SLITRK3: variants seen among roughly 807,000 people sequenced by gnomAD.
SLITRK3 encodes SLIT and NTRK like family member 3.
SLITRK3 carries 16 observed loss-of-function variants against 63.6 expected under a neutral mutation model. That is an observed-to-expected ratio of 0.25 (90% confidence interval 0.17 to 0.38). The LOEUF is 0.38. SLITRK3 is among the 10% of genes least tolerant of loss of function. The pLI is 1.00. For missense variants in SLITRK3, 1,117 were observed against 1,181.4 expected (o/e 0.95, Z 0.80); for synonymous variants, 547 against 451.6 (o/e 1.21, Z -2.68).
At chr3:165,195,181 C>T (rs1718373918) in intron 1 of SLITRK3, among the ~76,000 whole-genome samples, 1 of 152,160 alleles carries the variant, frequency 6.6e-6, no homozygotes, top group Non-Finnish European at 1.5e-5. Context: ...TCTATAGAGC[C>T]TTTTCTAATC....
chr3:165,189,306 G>C lies in SLITRK3; in HGVS notation c.1525C>G (p.Leu509Val). Residue 509 changes from leucine to valine, a missense_variant, in exon 2 of 2, where the codon CTA becomes GTA. Transcript: ENST00000475390. This position sits in a 1 kb window ranked among gnomAD's most constrained non-coding sequence, Gnocchi z 4.0. ...CTCAGTAAGTTATTATTGAGGAATA[G>C]CAGCTTCAAGTTGGGCATGAGGCTG... ...AFSLMPNLKL[L>V]FLNNNLLRTL... 1 of 1,614,204 alleles carries C rather than the reference G, an allele frequency of 6.2e-7. No homozygotes were observed. Among genetic ancestry groups the C allele is most frequent in the Non-Finnish European group, 8.5e-7 (1 of 1,180,038 alleles).
In SLITRK3 at chr3:165,188,030, G is replaced by A. The variant is rs1718022617; in HGVS notation, c.2801C>T (p.Thr934Ile). The A allele has an allele frequency of 6.2e-7, 1 of 1,613,924 alleles. No homozygotes were observed. The highest frequency in any genetic ancestry group is 8.5e-7 in the Non-Finnish European group (1 of 1,179,992). The change falls in exon 2 of 2, where the codon ACC (threonine) becomes ATC (isoleucine). Residue 934 changes from threonine (T) to isoleucine (I), a missense_variant. By Grantham distance (89) the Thr-to-Ile change is moderately conservative. Transcript: ENST00000475390. ...DLQQDARLKETLLFSAGKGFT... is the reference protein window; with the variant it reads ...DLQQDARLKEILLFSAGKGFT... ...GCCCTTTCCAGCCGAGAAGAGAAGG[G>A]TTTCTTTGAGCCTGGCATCCTGCTG...
Position 165,189,082 on chromosome 3 carries a change from G to A in SLITRK3, c.1749C>T (p.Val583=), listed in dbSNP as rs762493878. The A allele has an allele frequency of 6.2e-7, 1 of 1,614,186 alleles. No individual in the cohort carries two copies. The highest frequency in any genetic ancestry group is 8.5e-7 in the Non-Finnish European group (1 of 1,180,036). The part of the protein sequence containing the change: ...FKQWIETISS[V]SVVGDVLCRS... ...TGCAAAGCACATCACCAACCACACT[G>A]ACTGAGCTGATGGTTTCGATCCACT... The change falls in exon 2 of 2, where the codon GTC becomes GTT. Residue 583 remains valine (V), a synonymous_variant. Transcript: ENST00000475390. This position sits in a 1 kb window ranked among gnomAD's most constrained non-coding sequence, Gnocchi z 4.0.
At chr3:165,193,159 G>C (rs897112186) in intron 1 of SLITRK3, among the ~76,000 whole-genome samples, 1 of 149,960 alleles carries the variant, frequency 6.7e-6, no homozygotes, top group Admixed American at 6.7e-5. Flanking sequence ...GAAGTAGAGG[G>C]GTAGAGAACA....
At chr3:165,192,262 C>T (rs1056625199) in intron 1 of SLITRK3, among the ~76,000 whole-genome samples, 1 of 152,040 alleles carries the variant, frequency 6.6e-6, no homozygotes, top group East Asian at 1.9e-4. Context: ...AAAGGAGATA[C>T]CGTGAGAAAG....
chr3:165,188,083 G>T lies in SLITRK3; in HGVS notation c.2748C>A (p.His916Gln), dbSNP rs868691175. Reference protein sequence around the residue: ...TVPKLKELHVHPPGMQYPDLQ... With the variant: ...TVPKLKELHVQPPGMQYPDLQ... ...AGTCTGGGTATTGCATGCCAGGAGG[G>T]TGCACGTGCAGTTCCTTTAATTTGG... The change falls in exon 2 of 2, where the codon CAC becomes CAA. Residue 916 changes from histidine (H) to glutamine (Q), a missense_variant. By Grantham distance (24) the His-to-Gln change is conservative. Around this residue, in one of 4 missense-constraint regions of SLITRK3, gnomAD observed 499 missense variants for 463.6 expected, o/e 1.08. Transcript: ENST00000475390. The T allele has an allele frequency of 6.2e-7, 1 of 1,613,594 alleles. No homozygotes were observed. Among genetic ancestry groups the T allele is most frequent in the South Asian group, 1.1e-5 (1 of 91,038 alleles).
chr3:165,193,100 T>G (rs1229594544), intron 1 of SLITRK3, among the ~76,000 whole-genome samples: 3 of 136,634 alleles, frequency 2.2e-5, no homozygotes, highest in African/African-American at 8.1e-5. Context: ...ACTATACAGT[T>G]GAGTGAGTGT....
chr3:165,190,969 A>G (rs1718202846), intron 1 of SLITRK3, 118 bp from the exon 2 acceptor site: 5 of 673,716 alleles, frequency 7.4e-6, no homozygotes, highest in Admixed American at 3.1e-5. Context: ...TGTTGAAGTG[A>G]CACTCAAGAT....
chr3:165,196,961 TCGCTCTCG>T, upstream of SLITRK3: 2 of 145,580 alleles, frequency 1.4e-5, no homozygotes, highest in Non-Finnish European at 3.1e-5. Context: ...GCTCTCTCTC[TCGCTCTCG>T]CTCTCGCTCT....
chr3:165,189,910 T>C lies in SLITRK3; in HGVS notation c.921A>G (p.Pro307=), dbSNP rs779258318. ...AGGATAGCATTGAGGAAGGCTTAGTTGGCCATGCATTCTCCTTACTTGATG... is the reference window on the plus strand; with the variant it reads ...AGGATAGCATTGAGGAAGGCTTAGTCGGCCATGCATTCTCCTTACTTGATG... ...HSSSSKENAW[P]TKPSSMLSSV... is the part of the protein sequence containing the mutation. The change falls in exon 2 of 2, where the codon CCA becomes CCG. Residue 307 remains proline, a synonymous_variant. Transcript: ENST00000475390. This position sits in a 1 kb window ranked among gnomAD's most constrained non-coding sequence, Gnocchi z 4.0. 2 of 1,614,164 alleles carry C rather than the reference T, an allele frequency of 1.2e-6. No individual in the cohort carries two copies.
rs543563952 is a variant in SLITRK3 at position 165,187,985 on chromosome 3, T to C, written c.2846A>G (p.Gln949Arg). ...CCTTAACTCGAGGTAATCACTTTTTTGGGTTTGGTGGTCTGTGAAGCCCTT... is the reference window on the plus strand; with the variant it reads ...CCTTAACTCGAGGTAATCACTTTTTCGGGTTTGGTGGTCTGTGAAGCCCTT... ...AGKGFTDHQT[Q>R]KSDYLELRAK... The change falls in exon 2 of 2, where the codon CAA becomes CGA. Residue 949 changes from glutamine (Q) to arginine (R), a missense_variant. By Grantham distance (43) the Gln-to-Arg change is conservative (BLOSUM62 1). This residue lies in a region of SLITRK3 where 499 missense variants were observed against 463.6 expected (regional missense o/e 1.08). Transcript: ENST00000475390. 1 of 1,613,942 alleles carries C rather than the reference T, an allele frequency of 6.2e-7. No individual in the cohort carries two copies. Among genetic ancestry groups the C allele is most frequent in the African/African-American group, 1.3e-5 (1 of 74,882 alleles).
chr3:165,189,581 C>T lies in SLITRK3; in HGVS notation c.1250G>A (p.Ser417Asn). 6.2e-7 allele frequency: 1 copy of T among 1,614,098 alleles called. No homozygotes were observed. Among genetic ancestry groups the T allele is most frequent in the Non-Finnish European group, 8.5e-7 (1 of 1,179,968 alleles). The change falls in exon 2 of 2, where the codon AGC (serine) becomes AAC (asparagine). Residue 417 changes from serine (S) to asparagine (N), a missense_variant. Transcript: ENST00000475390. This position sits in a 1 kb window ranked among gnomAD's most constrained non-coding sequence, Gnocchi z 4.0. ...ACGGTATATTTTCTGAATCAGATTGCTACTCAGATACAGTTTCTTGGCATT... is the reference window on the plus strand; with the variant it reads ...ACGGTATATTTTCTGAATCAGATTGTTACTCAGATACAGTTTCTTGGCATT... ...PLNAKKLYLS[S>N]NLIQKIYRSD...
chr3:165,192,660 G>A (rs1024779064), intron 1 of SLITRK3, among the ~76,000 whole-genome samples: 1 of 151,376 alleles, frequency 6.6e-6, no homozygotes, highest in African/African-American at 2.4e-5. Context: ...AAGCAAAAGG[G>A]GATAAAGGGG....
rs1229394454 is a variant in SLITRK3 at position 165,188,524 on chromosome 3, G to A, written c.2307C>T (p.Ala769=). 2.5e-6 allele frequency: 4 copies of A among 1,613,910 alleles called. No homozygotes were observed. Among genetic ancestry groups the A allele is most frequent in the Non-Finnish European group, 3.4e-6 (4 of 1,179,984 alleles). Residue 769 remains alanine, a synonymous_variant, in exon 2 of 2, where the codon GCC becomes GCT. Transcript: ENST00000475390. ...CACGTTCTGCACTCCCTGCTTCTTG[G>A]GCTGATGAAACAGCCACCTCCTCCT... The part of the protein sequence containing the change: ...REEEEVAVSS[A]QEAGSAERGG...
chr3:165,195,288 G>A (rs1718377419), intron 1 of SLITRK3, among the ~76,000 whole-genome samples: 1 of 152,138 alleles, frequency 6.6e-6, no homozygotes. Context: ...ACACCAGCGA[G>A]CATTCCACTG....
Position 165,190,735 on chromosome 3 carries a change from G to T in SLITRK3, c.96C>A (p.Pro32=). Residue 32 remains proline, a synonymous_variant, in exon 2 of 2, where the codon CCC becomes CCA. Coordinates refer to ENST00000475390, the MANE Select transcript of SLITRK3 (RefSeq NM_001318810.2). The stretch of plus-strand genomic sequence containing the variant: ...CTATTTCCTCTGAGTCCTCTATTAG[G>T]GGAATCGGGGTAGTCCATCCTAGAG... ...TIALGWTTPI[P]LIEDSEEIDE... is the part of the protein sequence containing the mutation. 1.2e-6 allele frequency: 2 copies of T among 1,613,864 alleles called. No individual in the cohort carries two copies. Among genetic ancestry groups the T allele is most frequent in the Non-Finnish European group, 1.7e-6 (2 of 1,179,922 alleles).
In SLITRK3 at chr3:165,187,963, TAA is replaced by T. The variant is rs753094341; in HGVS notation, c.2866_2867del (p.Leu956LysfsTer64). ...CCGGCTTGGTTTGAAGTTTGGCCCT[TAA>T]CTCGAGGTAATCACTTTTTTGGGTT... ...HQTQKSDYLE[L>X]RAKLQTKPDY... On this transcript the variant is annotated frameshift_variant, in exon 2 of 2. Transcript: ENST00000475390. LOFTEE classifies it high-confidence loss of function. 1 of 1,613,946 alleles carries T rather than the reference TAA, an allele frequency of 6.2e-7. No homozygotes were observed. The highest frequency in any genetic ancestry group is 8.5e-7 in the Non-Finnish European group (1 of 1,180,002).
rs998354923 is a variant in SLITRK3, at chr3:165,188,187, T to A, written c.2644A>T (p.Ser882Cys). 6 of 1,613,696 alleles carry A rather than the reference T, an allele frequency of 3.7e-6. No homozygotes were observed. In the African/African-American group the frequency reaches 8.0e-5, roughly 22 times the overall value. ...FPPGGGCGSGSMLLDRERPQP... is the reference protein window; with the variant it reads ...FPPGGGCGSGCMLLDRERPQP... Reference sequence around the variant, plus strand: ...GGCCTCTCTCGATCTAGTAGCATACTGCCACTACCACAGCCTCCCCCAGGA... The same window carrying A: ...GGCCTCTCTCGATCTAGTAGCATACAGCCACTACCACAGCCTCCCCCAGGA... Residue 882 changes from serine to cysteine, a missense_variant, in exon 2 of 2, where the codon AGT (serine) becomes TGT (cysteine). Transcript: ENST00000475390.
rs200571648 is a variant in SLITRK3 at position 165,188,883 on chromosome 3, G to A, written c.1948C>T (p.Pro650Ser). 2 of 1,614,072 alleles carry A rather than the reference G, an allele frequency of 1.2e-6. No individual in the cohort carries two copies. The highest frequency in any genetic ancestry group is 1.7e-6 in the Non-Finnish European group (2 of 1,180,010). ...SPYEFSPPGG[P>S]VPLSVLILSL... ...AGAATTAACACAGAAAGTGGCACAG[G>A]GCCCCCAGGAGGAGAAAACTCATAA... The change falls in exon 2 of 2, where the codon CCT becomes TCT. Residue 650 changes from proline to serine, a missense_variant. Around this residue, in one of 4 missense-constraint regions of SLITRK3, gnomAD observed 499 missense variants for 463.6 expected, o/e 1.08. Coordinates refer to ENST00000475390, the MANE Select transcript of SLITRK3 (RefSeq NM_001318810.2).
Sources: gnomAD v4.1 joint callset for allele counts (sites outside exome capture counted in the v4.1 genomes callset) on GRCh38, gnomAD v4.1.1 for gene constraint, gnomAD v4.1.1 regional missense constraint, Gnocchi (gnomAD v3.1) non-coding constraint, MANE v1.5 for transcripts, NCBI Gene and HGNC (gene_info 2026-07-23, HGNC 2026-07-21) for gene names.